Variants in PCDH15 observed in about 807,000 individuals in gnomAD.
PCDH15 encodes the protein protocadherin-15.
A neutral mutation model predicts 178.5 loss-of-function variants in PCDH15; 129 were observed. The ratio of observed to expected loss-of-function variants is 0.72; its 90% CI spans 0.63 to 0.84. PCDH15 has a LOEUF of 0.84. Among genes scored for constraint, PCDH15 ranks in the 40% least tolerant of loss-of-function variants. The probability of loss-of-function intolerance (pLI) is 0.00; values close to 1 mark genes in which losing one functional copy is unlikely to be tolerated. For synonymous variants in PCDH15, 800 were observed against 732.0 expected, an observed-to-expected ratio of 1.09 and a Z score of -1.50; for missense variants, 2,230 against 2,099.9, an observed-to-expected ratio of 1.06 and a Z score of -1.21.
chr10:54,675,791 A>T (rs1277769834), intron 1 of PCDH15, among the ~76,000 whole-genome samples: 1 of 152,164 alleles, frequency 6.6e-6, no homozygotes, highest in Non-Finnish European at 1.5e-5. Context: ...AATCATTATT[A>T]GCCAAGCTCC....
chr10:55,214,663 G>A (rs1479631772), intron 1 of PCDH15, among the ~76,000 whole-genome samples: 1 of 151,690 alleles, frequency 6.6e-6, no homozygotes, highest in Non-Finnish European at 1.5e-5. Flanking sequence ...TTTTTTAAGA[G>A]ATGGGTTCTT....
At chr10:55,366,595 T>A (rs1195984920) in intron 2 of PCDH15, among the ~76,000 whole-genome samples, 1 of 152,170 alleles carries the variant, frequency 6.6e-6, no homozygotes, top group Non-Finnish European at 1.5e-5. Flanking sequence ...CTAACTATAG[T>A]AGGCTGAAAG....
chr10:54,845,480 T>C (rs761405469), intron 3 of PCDH15, among the ~76,000 whole-genome samples: 1 of 152,096 alleles, frequency 6.6e-6, no homozygotes, highest in Non-Finnish European at 1.5e-5. Flanking sequence ...ATTCCGTAAT[T>C]TGACCAAAAA....
chr10:55,202,640 C>G (rs1376286899), intron 1 of PCDH15, among the ~76,000 whole-genome samples: 1 of 152,098 alleles, frequency 6.6e-6, no homozygotes, highest in Non-Finnish European at 1.5e-5. Context: ...CCATGTCACT[C>G]TACTTGATGT....
At chr10:54,519,661 C>A (rs973944742) in intron 3 of PCDH15, among the ~76,000 whole-genome samples, 2 of 152,076 alleles carry the variant, frequency 1.3e-5, no homozygotes, top group Non-Finnish European at 2.9e-5. Context: ...AGATTCAATG[C>A]CATCCCCATC....
intron 1 of PCDH15, among the ~76,000 whole-genome samples, chr10:55,258,469 T>TTTTC (rs1396301530): frequency 2.0e-5 from 3 of 152,126 alleles, no homozygotes; most frequent in Admixed American, 6.5e-5. Context: ...CCAAGTGTAC[T>TTTTC]TTTCTTTCTT....
At chr10:54,745,372 A>AG (rs1196211434) in intron 1 of PCDH15, among the ~76,000 whole-genome samples, 6 of 43,638 alleles carry the variant, frequency 1.4e-4, no homozygotes, top group Non-Finnish European at 2.9e-4. Context: ...ATATACACAC[A>AG]GAAAAAAAAA....
At chr10:54,078,543 A>G (rs773438464) in intron 17 of PCDH15, among the ~76,000 whole-genome samples, 2 of 152,062 alleles carry the variant, frequency 1.3e-5, no homozygotes, top group Non-Finnish European at 2.9e-5. Context: ...ATGGGTTTGA[A>G]ATTATTTCTA....
At chr10:55,397,528 C>A (rs1418081377) in intron 2 of PCDH15, among the ~76,000 whole-genome samples, 1 of 152,032 alleles carries the variant, frequency 6.6e-6, no homozygotes, top group African/African-American at 2.4e-5. Context: ...ACTAAAAGGA[C>A]TATTTTATTT....
intron 2 of PCDH15, among the ~76,000 whole-genome samples, chr10:55,422,408 A>G (rs568456090): frequency 3.3e-5 from 5 of 151,998 alleles, no homozygotes; most frequent in African/African-American, 1.2e-4. Flanking sequence ...ATAATGTTAA[A>G]CCATTCATTG....
At chr10:54,078,469 C>T (rs1253300959) in intron 17 of PCDH15, among the ~76,000 whole-genome samples, 1 of 151,570 alleles carries the variant, frequency 6.6e-6, no homozygotes, top group Non-Finnish European at 1.5e-5. Flanking sequence ...TTAAATAGAT[C>T]ATTTCAAGGA....
At chr10:53,979,356 G>C (rs1381080089) in intron 21 of PCDH15, among the ~76,000 whole-genome samples, 1 of 152,132 alleles carries the variant, frequency 6.6e-6, no homozygotes, top group African/African-American at 2.4e-5. Flanking sequence ...ACTATCATGA[G>C]AAGGGCATGG....
chr10:54,945,066 C>A (rs1838159798), intron 2 of PCDH15, among the ~76,000 whole-genome samples: 3 of 151,830 alleles, frequency 2.0e-5, no homozygotes, highest in Admixed American at 1.3e-4. Flanking sequence ...CAGATATAAT[C>A]CTTCTAACAT....
intron 2 of PCDH15, among the ~76,000 whole-genome samples, chr10:54,947,642 A>C (rs1379635153): frequency 6.6e-6 from 1 of 151,874 alleles, no homozygotes; most frequent in Non-Finnish European, 1.5e-5. Context: ...TTTGTATTTT[A>C]ATGGAACATC....
At chr10:53,846,623 C>T (rs556755382) in intron 28 of PCDH15, among the ~76,000 whole-genome samples, 8 of 151,768 alleles carry the variant, frequency 5.3e-5, no homozygotes, top group African/African-American at 1.9e-4. Context: ...ATTCTTGAAC[C>T]AAGTTATTTT....
chr10:55,386,828 G>A (rs974110571), intron 2 of PCDH15, among the ~76,000 whole-genome samples: 2 of 152,074 alleles, frequency 1.3e-5, no homozygotes, highest in Middle Eastern at 3.4e-3. Flanking sequence ...TGTAATGCGT[G>A]GCAAAATACA....
At chr10:55,602,627 C>G (rs548374483) in intron 2 of PCDH15, among the ~76,000 whole-genome samples, 1,581 of 146,330 alleles carry the variant, frequency 0.011, 14 homozygotes, top group Non-Finnish European at 0.014. Context: ...AGCAGGGGCA[C>G]ACTGACACCT....
chr10:54,079,173 G>T (rs1742185039), intron 17 of PCDH15, among the ~76,000 whole-genome samples, 158 bp downstream of exon 17: 1 of 152,236 alleles, frequency 6.6e-6, no homozygotes, highest in Non-Finnish European at 1.5e-5. Flanking sequence ...ATAGGTGCAT[G>T]TATTAATAGC....
intron 13 of PCDH15, among the ~76,000 whole-genome samples, chr10:54,172,486 C>G (rs559148874): frequency 4.5e-4 from 69 of 152,206 alleles, no homozygotes; most frequent in African/African-American, 1.3e-3. Context: ...GTTTGGTGGT[C>G]TCTTCACGCG....
Sources: gnomAD v4.1 joint callset for allele counts (sites outside exome capture counted in the v4.1 genomes callset) on GRCh38, gnomAD v4.1.1 for gene constraint, MANE v1.5 for transcripts, NCBI Gene and HGNC (gene_info 2026-07-23, HGNC 2026-07-21) for gene names.